ANGEL1: variants seen among roughly 807,000 people sequenced by gnomAD.
The protein encoded by ANGEL1 is RNA 2',3'-cyclic phosphatase ANGEL1.
ANGEL1 carries 62 observed loss-of-function variants against 76.4 expected under a neutral mutation model. The observed-to-expected ratio is 0.81, with a 90% CI of 0.66 to 1.00. The LOEUF is 1.00. Ranked by LOEUF, ANGEL1 falls within the 50% of genes least tolerant of loss-of-function variation. The pLI is 0.00. For missense variants in ANGEL1, 737 were observed against 836.7 expected, an observed-to-expected ratio of 0.88 and a Z score of 1.47; for synonymous variants, 340 against 331.7, an observed-to-expected ratio of 1.03 and a Z score of -0.27.
intron 7 of ANGEL1, among the ~76,000 whole-genome samples, chr14:76,793,314 G>A (rs1451075216): frequency 7.1e-6 from 1 of 140,844 alleles, no homozygotes; most frequent in Non-Finnish European, 1.5e-5. Context: ...CCTTGTCACA[G>A]AAAGGAAAGA....
chr14:76,807,382 G>A (rs1169123553), intron 4 of ANGEL1, 51 bp downstream of exon 4: 5 of 1,553,572 alleles, frequency 3.2e-6, no homozygotes, highest in Middle Eastern at 3.3e-4. Context: ...GGAGAGAGTA[G>A]ACAAGTCTGT....
chr14:76,801,647 T>C (rs1894767536), intron 7 of ANGEL1, among the ~76,000 whole-genome samples: 1 of 152,186 alleles, frequency 6.6e-6, no homozygotes, highest in South Asian at 2.1e-4. Context: ...TTTTTTTTAT[T>C]TGTTTTGTTT....
At chr14:76,805,804 G>T (rs575321787) in intron 5 of ANGEL1, among the ~76,000 whole-genome samples, 2 of 152,216 alleles carry the variant, frequency 1.3e-5, no homozygotes, top group Admixed American at 1.3e-4. Flanking sequence ...AGACCACCTG[G>T]TTACAAATCC....
intron 7 of ANGEL1, among the ~76,000 whole-genome samples, chr14:76,800,497 G>C (rs1894728699): frequency 6.6e-6 from 1 of 152,216 alleles, no homozygotes; most frequent in South Asian, 2.1e-4. Flanking sequence ...TACAAGAAGA[G>C]AATAAATTCA....
chr14:76,807,198 G>A (rs1294172710), intron 4 of ANGEL1, among the ~76,000 whole-genome samples: 1 of 152,206 alleles, frequency 6.6e-6, no homozygotes, highest in Non-Finnish European at 1.5e-5. Flanking sequence ...TTCCTCATCT[G>A]TAAAATGGGA....
intron 2 of ANGEL1, among the ~76,000 whole-genome samples, chr14:76,808,577 C>T (rs558184360): frequency 6.6e-6 from 1 of 152,094 alleles, no homozygotes; most frequent in African/African-American, 2.4e-5. Context: ...TATGGTGTGT[C>T]CCCATCTCCC....
Position 76,789,861 on chromosome 14 carries a change from A to ATT in ANGEL1, c.1853-475_1853-474dup, listed in dbSNP as rs771023614. Among the ~76,000 whole-genome samples, 67 of 58,614 alleles carry ATT rather than the reference A, an allele frequency of 1.1e-3. 1 individual carries two copies. The highest frequency in any genetic ancestry group is 3.1e-3 in the East Asian group (9 of 2,868). 38.5% of individuals were successfully genotyped at this position (58,614 alleles called of 152,430 possible). A position where few individuals can be genotyped will look rare whatever the true frequency, so the allele number is the denominator to read the frequency against. On this transcript the variant is annotated intron_variant, in intron 9 of 9. Transcript: ENST00000251089. ...AGGTACCCGCCACCATGCCTGGCTA[A>ATT]TTTTTTTTTTTTTTTTTTTTAAGAC...
At chr14:76,806,279 T>C (rs906303457) in intron 5 of ANGEL1, 137 bp downstream of exon 5, 8 of 907,488 alleles carry the variant, frequency 8.8e-6, no homozygotes, top group Non-Finnish European at 4.9e-6. Context: ...GTACAAGCTA[T>C]TCAACATAAC....
chr14:76,798,226 G>A (rs1894644017), intron 7 of ANGEL1, among the ~76,000 whole-genome samples: 1 of 151,744 alleles, frequency 6.6e-6, no homozygotes, highest in Non-Finnish European at 1.5e-5. Flanking sequence ...CTGGGCTCAA[G>A]TGATCCTCCC....
In ANGEL1 at chr14:76,806,644, G is replaced by A; in HGVS notation, c.1152C>T (p.Ala384=). Residue 384 remains alanine (A), a synonymous_variant, in exon 5 of 10, where the codon GCC becomes GCT. Coordinates refer to ENST00000251089, the MANE Select transcript of ANGEL1 (RefSeq NM_015305.4). ...VPEGLGQVSV[A]PLCVANTHIL... is the part of the protein sequence containing the mutation. ...TATGGGTATTTGCCACACACAGCGG[G>A]GCCACCGAGACTTGTCCCAGGCCTT... 1 of 1,612,284 alleles carries A rather than the reference G, an allele frequency of 6.2e-7. No individual in the cohort carries two copies.
intron 7 of ANGEL1, among the ~76,000 whole-genome samples, chr14:76,797,339 C>G (rs1894610749): frequency 6.6e-6 from 1 of 152,220 alleles, no homozygotes; most frequent in African/African-American, 2.4e-5. Flanking sequence ...GTGGCTCACA[C>G]CTGTAATCCT....
At chr14:76,807,303 C>A in intron 4 of ANGEL1, 130 bp downstream of exon 4, 1 of 852,798 alleles carries the variant, frequency 1.2e-6, no homozygotes, top group Non-Finnish European at 1.8e-6. Flanking sequence ...CTCAGGCACA[C>A]ATGGAAGGAG....
intron 1 of ANGEL1, 114 bp downstream of exon 1, chr14:76,812,650 C>T: frequency 2.2e-6 from 3 of 1,357,364 alleles, no homozygotes; most frequent in African/African-American, 1.5e-5. Context: ...CTCGGCACTG[C>T]CCGGGGCACG....
intron 2 of ANGEL1, 23 bp from the exon 3 acceptor site, chr14:76,808,171 C>G (rs1894977207): frequency 6.2e-7 from 1 of 1,603,382 alleles, no homozygotes; most frequent in South Asian, 1.1e-5. Flanking sequence ...GGGAGAAGCA[C>G]TCAATGGCAA....
intron 7 of ANGEL1, among the ~76,000 whole-genome samples, chr14:76,802,799 G>A (rs542162885): frequency 3.9e-5 from 6 of 152,266 alleles, no homozygotes; most frequent in African/African-American, 9.6e-5. Flanking sequence ...ACCCCTGCAC[G>A]ATCTCCAGTG....
Position 76,789,069 on chromosome 14 carries a change from C to T in ANGEL1, c.*159G>A. ...ACCACAGGCAGAGAACGCAGCCAGG[C>T]CTGGAGAAAGTCTAACCGTGGGAAA... On this transcript the variant is annotated 3_prime_UTR_variant, in exon 10 of 10. Transcript: ENST00000251089. 1 of 1,002,098 alleles carries T rather than the reference C, an allele frequency of 1.0e-6. No individual in the cohort carries two copies. Among genetic ancestry groups the T allele is most frequent in the Non-Finnish European group, 1.5e-6 (1 of 681,130 alleles). The allele number at this position is 1,002,098 out of a possible 1,614,324, so 62.1% of individuals were successfully genotyped here.
intron 7 of ANGEL1, among the ~76,000 whole-genome samples, chr14:76,793,548 G>A (rs1306713728): frequency 1.9e-4 from 2 of 10,676 alleles, no homozygotes; most frequent in African/African-American, 8.6e-4. Flanking sequence ...CAACTGGTTG[G>A]TTTTTTTGGT....
intron 7 of ANGEL1, among the ~76,000 whole-genome samples, chr14:76,801,337 C>T (rs553561461): frequency 6.8e-4 from 103 of 152,072 alleles, no homozygotes; most frequent in Middle Eastern, 3.4e-3. Flanking sequence ...GTCTCAAACT[C>T]CTGGGCTCAA....
intron 1 of ANGEL1, among the ~76,000 whole-genome samples, chr14:76,811,525 GC>G (rs1434526072): frequency 0.28 from 7,136 of 25,336 alleles, 422 homozygotes; most frequent in African/African-American, 0.42. Flanking sequence ...AGGTGGGGGG[GC>G]GGGGGGGGCC....
Sources: allele counts gnomAD v4.1 joint callset (sites outside exome capture counted in the v4.1 genomes callset), GRCh38; gene constraint gnomAD v4.1.1; transcripts MANE v1.5; gene names NCBI Gene and HGNC (gene_info 2026-07-23, HGNC 2026-07-21).